Variants in MBTPS1 observed in about 807,000 individuals in gnomAD.
MBTPS1 encodes membrane-bound transcription factor site-1 protease.
In MBTPS1, 94 loss-of-function variants were observed where a neutral mutation model predicts 127.8. That is an observed-to-expected ratio of 0.74 (90% confidence interval 0.62 to 0.87). The LOEUF (loss-of-function observed/expected upper bound fraction) is 0.87, where lower values mean the gene tolerates loss of function less well. Ranked by LOEUF, MBTPS1 falls within the 40% of genes least tolerant of loss-of-function variation. The pLI, the probability that MBTPS1 is intolerant of heterozygous loss-of-function variation, is 0.00. For missense variants in MBTPS1, 1,636 were observed against 1,353.2 expected (o/e 1.21, Z -3.28); for synonymous variants, 632 against 509.4 (o/e 1.24, Z -3.24).
intron 3 of MBTPS1, among the ~76,000 whole-genome samples, chr16:84,098,573 C>T (rs1464757148): frequency 6.6e-6 from 1 of 152,144 alleles, no homozygotes; most frequent in Non-Finnish European, 1.5e-5. Flanking sequence ...CGCCACTGCA[C>T]TCCAGCCTGG....
intron 1 of MBTPS1, among the ~76,000 whole-genome samples, chr16:84,104,523 A>G (rs1224783214): frequency 6.6e-6 from 1 of 152,178 alleles, no homozygotes; most frequent in African/African-American, 2.4e-5. Flanking sequence ...CTCAAGCTAA[A>G]GAATCTATGA....
rs1597319907 is a variant in MBTPS1 at position 84,074,617 on chromosome 16, T to C, written c.1573A>G (p.Thr525Ala). ...TTCACCTTATCTACAATTCTTCCTG[T>C]GACTCCCATGCCGTTGAGGATGGTG... ...NVTILNGMGV[T>A]GRIVDKPDWQ... The change falls in exon 12 of 23, where the codon ACA becomes GCA. Residue 525 changes from threonine (T) to alanine (A), a missense_variant. Transcript: ENST00000343411. 3.1e-6 allele frequency: 5 copies of C among 1,614,038 alleles called. No individual in the cohort carries two copies. Among genetic ancestry groups the C allele is most frequent in the Non-Finnish European group, 4.2e-6 (5 of 1,179,956 alleles).
At chr16:84,112,974 C>CA (rs71382895) in intron 1 of MBTPS1, among the ~76,000 whole-genome samples, 6,388 of 56,008 alleles carry the variant, frequency 0.11, 309 homozygotes, top group Non-Finnish European at 0.17. Context: ...GATGCCATCT[C>CA]AAAAAAAAAA....
intron 10 of MBTPS1, 101 bp downstream of exon 10, chr16:84,084,882 A>T (rs1420155938): frequency 7.4e-7 from 1 of 1,347,704 alleles, no homozygotes; most frequent in African/African-American, 1.5e-5. Context: ...AAGCTCTCAA[A>T]CCCAAGACAG....
intron 1 of MBTPS1, among the ~76,000 whole-genome samples, chr16:84,113,128 C>T (rs930798148): frequency 3.3e-5 from 5 of 152,136 alleles, no homozygotes; most frequent in African/African-American, 1.2e-4. Context: ...GATCTGTCTA[C>T]AGCTACTTGC....
intron 1 of MBTPS1, among the ~76,000 whole-genome samples, chr16:84,104,235 T>TTGC (rs1342026355): frequency 3.9e-5 from 6 of 152,016 alleles, no homozygotes; most frequent in Non-Finnish European, 5.9e-5. Flanking sequence ...CTTTTTGTTG[T>TTGC]TGTTGTTAAA....
chr16:84,068,539 G>A (rs1465655219), intron 14 of MBTPS1, 85 bp from the exon 15 acceptor site: 2 of 910,566 alleles, frequency 2.2e-6, no homozygotes, highest in Non-Finnish European at 3.6e-6. Flanking sequence ...GGCTCTGCAA[G>A]AGCACCATGC....
At chr16:84,099,021 G>GAC (rs748107383) in intron 3 of MBTPS1, 32 bp downstream of exon 3, 3 of 1,472,310 alleles carry the variant, frequency 2.0e-6, no homozygotes, top group Admixed American at 2.2e-5. Context: ...GTAAACAGCA[G>GAC]AGAGAAATTT....
intron 21 of MBTPS1, 126 bp downstream of exon 21, chr16:84,059,176 C>G: frequency 7.7e-7 from 1 of 1,298,146 alleles, no homozygotes; most frequent in Non-Finnish European, 1.1e-6. Flanking sequence ...ATAACTGTCG[C>G]AAATGACAAG....
rs71382894 is a variant in MBTPS1 at position 84,097,837 on chromosome 16, C to CGTGTGTGTGTGT, written c.421+1204_421+1215dup. On this transcript the variant is annotated intron_variant, in intron 3 of 22. Coordinates refer to ENST00000343411, the MANE Select transcript of MBTPS1 (RefSeq NM_003791.4). ...TTACTATGAAAATTAAACTTCTCTT[C>CGTGTGTGTGTGT]GTGTGTGTGTGTGTGTGTGTGTGTG... Among the ~76,000 whole-genome samples the CGTGTGTGTGTGT allele has an allele frequency of 2.2e-3, 308 of 143,122 alleles. 3 individuals carry two copies. Among genetic ancestry groups the CGTGTGTGTGTGT allele is most frequent in the African/African-American group, 6.1e-3 (239 of 39,094 alleles). 93.9% of individuals were successfully genotyped at this position (143,122 alleles called of 152,430 possible). A position where few individuals can be genotyped will look rare whatever the true frequency, so the allele number is the denominator to read the frequency against.
chr16:84,093,072 A>C, intron 6 of MBTPS1, 116 bp downstream of exon 6: 2 of 742,260 alleles, frequency 2.7e-6, no homozygotes, highest in African/African-American at 1.7e-5. Context: ...TGCAGTATGA[A>C]TGGCTCAGCG....
At chr16:84,114,438 C>A (rs1385258064) in intron 1 of MBTPS1, among the ~76,000 whole-genome samples, 1 of 152,174 alleles carries the variant, frequency 6.6e-6, no homozygotes, top group East Asian at 1.9e-4. Flanking sequence ...TCACACACAT[C>A]ACTCTTGTCT....
intron 2 of MBTPS1, among the ~76,000 whole-genome samples, chr16:84,100,710 A>G (rs1365388951): frequency 6.6e-6 from 1 of 151,900 alleles, no homozygotes; most frequent in Non-Finnish European, 1.5e-5. Flanking sequence ...CTGGGCGACA[A>G]GAGCAAAACT....
chr16:84,114,932 T>C (rs964078181), intron 1 of MBTPS1, among the ~76,000 whole-genome samples: 3 of 151,466 alleles, frequency 2.0e-5, no homozygotes, highest in African/African-American at 7.3e-5. Flanking sequence ...AGTTTTTTTT[T>C]GTTTTTTGTT....
At chr16:84,074,133 A>G (rs1449200008) in intron 12 of MBTPS1, among the ~76,000 whole-genome samples, 1 of 152,260 alleles carries the variant, frequency 6.6e-6, no homozygotes, top group African/African-American at 2.4e-5. Context: ...GCAAAAAAGT[A>G]AAATTGGTTT....
At chr16:84,107,194 A>C (rs887720955) in intron 1 of MBTPS1, among the ~76,000 whole-genome samples, 2 of 152,232 alleles carry the variant, frequency 1.3e-5, no homozygotes, top group Non-Finnish European at 2.9e-5. Flanking sequence ...AAGGTGGGCA[A>C]GCTGAAGAGA....
chr16:84,072,970 G>A (rs1012579460), intron 12 of MBTPS1, among the ~76,000 whole-genome samples: 2 of 152,072 alleles, frequency 1.3e-5, no homozygotes, highest in Non-Finnish European at 2.9e-5. Context: ...TTATGTTAAG[G>A]AAATAATTCA....
In MBTPS1 at chr16:84,099,085, C is replaced by A. The variant is rs148577579; in HGVS notation, c.389G>T (p.Arg130Leu). The change falls in exon 3 of 23, where the codon CGA (arginine) becomes CTA (leucine). Residue 130 changes from arginine (R) to leucine (L), a missense_variant. By Grantham distance (102) the Arg-to-Leu change is moderately radical. Transcript: ENST00000343411. ...ATACTTGAGGGAACGAAAGACTTTT[C>A]GTTGGGGCGTGACCCGTTTGATGTT... ...HPNIKRVTPQ[R>L]KVFRSLKYAE... The A allele has an allele frequency of 2.5e-6, 4 of 1,614,132 alleles. No individual in the cohort carries two copies. The South Asian group carries it at 4.4e-5, about 18-fold the overall frequency.
chr16:84,059,607 G>A (rs775514905), intron 20 of MBTPS1, 179 bp from the exon 21 acceptor site: 1 of 519,754 alleles, frequency 1.9e-6, no homozygotes, highest in Admixed American at 3.4e-5. Flanking sequence ...GTTCCTCCCG[G>A]ACAATGTGTG....
Sources: allele counts gnomAD v4.1 joint callset (sites outside exome capture counted in the v4.1 genomes callset), GRCh38; gene constraint gnomAD v4.1.1; transcripts MANE v1.5; gene names NCBI Gene and HGNC (gene_info 2026-07-23, HGNC 2026-07-21).